Variants in KNL1 observed in about 807,000 individuals in gnomAD.
KNL1 encodes kinetochore scaffold 1, also known as outer kinetochore KNL1 complex subunit KNL1.
Under a neutral mutation model 201.3 loss-of-function variants are expected in KNL1, and 66 were observed. The observed-to-expected ratio is 0.33, with a 90% CI of 0.27 to 0.40. KNL1 has a LOEUF of 0.40. Ranked by LOEUF, KNL1 falls within the 10% of genes least tolerant of loss-of-function variation. KNL1 has a pLI of 1.00. For synonymous variants in KNL1, 895 were observed against 899.2 expected (o/e 1.00, Z 0.08); for missense variants, 2,815 against 2,690.5 (o/e 1.05, Z -1.02).
rs1894259995 is a variant in KNL1 at position 40,659,476 on chromosome 15, A to C, written c.6836+15A>C. The C allele has an allele frequency of 4.3e-6, 7 of 1,610,176 alleles. No individual in the cohort carries two copies. Among genetic ancestry groups the C allele is most frequent in the Non-Finnish European group, 5.9e-6 (7 of 1,178,104 alleles). ...GGGAACACTAGGTGAGTAAAGGGCC[A>C]ACAGGGTAAGACTCTGGGCTACTTC... On this transcript the variant is annotated intron_variant, in intron 25 of 25. Transcript: ENST00000399668.
chr15:40,653,404 G>A (rs137919954), intron 21 of KNL1, among the ~76,000 whole-genome samples: 1 of 152,178 alleles, frequency 6.6e-6, no homozygotes, highest in Non-Finnish European at 1.5e-5. Context: ...TGTTGTCCAG[G>A]CTGGTCTCAA....
intron 13 of KNL1, 98 bp downstream of exon 13, chr15:40,629,469 TTC>T (rs1892844515): frequency 3.3e-5 from 19 of 584,460 alleles, no homozygotes; most frequent in South Asian, 1.2e-4. Flanking sequence ...ATAGAGAGTT[TTC>T]TTTTTTTTTT....
chr15:40,630,811 A>G (rs1176383874), intron 13 of KNL1, among the ~76,000 whole-genome samples: 1 of 152,208 alleles, frequency 6.6e-6, no homozygotes, highest in African/African-American at 2.4e-5. Context: ...ATATATTACA[A>G]TGTAGTAATA....
intron 13 of KNL1, among the ~76,000 whole-genome samples, chr15:40,635,839 TCTC>T: frequency 6.6e-6 from 1 of 152,178 alleles, no homozygotes; most frequent in Middle Eastern, 3.4e-3. Flanking sequence ...AGAACTCACA[TCTC>T]CTAGTAAGGG....
intron 25 of KNL1, 122 bp downstream of exon 25, chr15:40,659,583 C>T (rs562145761): frequency 7.4e-5 from 58 of 787,290 alleles, no homozygotes; most frequent in East Asian, 4.8e-4. Flanking sequence ...ACCTCTGCCT[C>T]CCGGGTTCAC....
At chr15:40,606,341 T>C (rs1369219103) in intron 3 of KNL1, 52 bp from the exon 4 acceptor site, 2 of 1,095,028 alleles carry the variant, frequency 1.8e-6, no homozygotes, top group Non-Finnish European at 2.8e-6. Context: ...AATAAACTGA[T>C]TCTTAATAGA....
intron 10 of KNL1, chr15:40,626,020 GTGT>G (rs1484071556): frequency 1.2e-5 from 2 of 161,068 alleles, no homozygotes; most frequent in African/African-American, 4.8e-5. Flanking sequence ...GTCATCTTCA[GTGT>G]TGTTATATTT....
At chr15:40,607,775 TGGTTAAAGTAAAA>T (rs1892021602) in intron 4 of KNL1, among the ~76,000 whole-genome samples, 1 of 151,956 alleles carries the variant, frequency 6.6e-6, no homozygotes, top group Non-Finnish European at 1.5e-5. Context: ...CCCATTAGGA[TGGTTAAAGTAAAA>T]GACAATAACA....
chr15:40,638,233 G>A (rs1893115784), intron 13 of KNL1, among the ~76,000 whole-genome samples: 1 of 104,910 alleles, frequency 9.5e-6, no homozygotes, highest in Admixed American at 9.9e-5. Context: ...GGAAGGGAAG[G>A]GAGGGGAGGG....
intron 5 of KNL1, 68 bp from the exon 6 acceptor site, chr15:40,610,177 A>G: frequency 2.3e-6 from 2 of 881,750 alleles, no homozygotes; most frequent in Non-Finnish European, 3.8e-6. Flanking sequence ...AACACAGACT[A>G]TAAATCAACA....
intron 9 of KNL1, 27 bp downstream of exon 9, chr15:40,619,038 A>G: frequency 1.4e-6 from 2 of 1,403,476 alleles, no homozygotes; most frequent in South Asian, 2.3e-5. Flanking sequence ...ATACCTTCAT[A>G]TTGTAATGTC....
intron 1 of KNL1, among the ~76,000 whole-genome samples, chr15:40,597,112 C>T (rs1037336033): frequency 3.3e-5 from 5 of 151,534 alleles, no homozygotes; most frequent in Non-Finnish European, 5.9e-5. Flanking sequence ...CTGTTTTGAT[C>T]TAGTAGTTCA....
Position 40,651,587 on chromosome 15 carries a change from G to A in KNL1, c.6314+15G>A, listed in dbSNP as rs758154035. On this transcript the variant is annotated intron_variant, in intron 20 of 25. Transcript: ENST00000399668. ...GATCAGTTGAGGTAAGGAAATGCAGGCATCATTTGTTTGTGTTTTATTCTG... is the reference window on the plus strand; with the variant it reads ...GATCAGTTGAGGTAAGGAAATGCAGACATCATTTGTTTGTGTTTTATTCTG... 6.5e-7 allele frequency: 1 copy of A among 1,540,608 alleles called. No individual in the cohort carries two copies. Among genetic ancestry groups the A allele is most frequent in the African/African-American group, 1.4e-5 (1 of 72,532 alleles).
chr15:40,601,635 C>G (rs1031459816), intron 1 of KNL1, among the ~76,000 whole-genome samples: 14 of 151,574 alleles, frequency 9.2e-5, no homozygotes, highest in African/African-American at 3.1e-4. Context: ...ATCGAGACCA[C>G]GGTGAAACCC....
intron 1 of KNL1, among the ~76,000 whole-genome samples, chr15:40,601,365 A>C (rs920439687): frequency 1.1e-4 from 17 of 152,180 alleles, no homozygotes; most frequent in African/African-American, 4.1e-4. Context: ...CCACTTATCT[A>C]ATTGATGTCC....
Position 40,611,258 on chromosome 15 carries a change from G to A in KNL1, c.251-220G>A, listed in dbSNP as rs138418875. The stretch of plus-strand genomic sequence containing the variant: ...TGAGTAGCTGGGATTACATGTGCAC[G>A]CCACCACACCTGGCTAATTTTTGTA... On this transcript the variant is annotated intron_variant, in intron 6 of 25. Transcript: ENST00000399668. Among the ~76,000 whole-genome samples, 988 of 151,468 alleles carry A rather than the reference G, an allele frequency of 6.5e-3. 12 individuals carry two copies. The highest frequency in any genetic ancestry group is 0.023 in the African/African-American group (937 of 41,286).
chr15:40,628,966 A>T (rs936168635), intron 12 of KNL1, among the ~76,000 whole-genome samples: 1 of 152,132 alleles, frequency 6.6e-6, no homozygotes, highest in African/African-American at 2.4e-5. Flanking sequence ...CCAGGAGTTC[A>T]AGGCTGCAGT....
chr15:40,614,422 G>A (rs1352998591), intron 7 of KNL1, among the ~76,000 whole-genome samples: 4 of 151,740 alleles, frequency 2.6e-5, no homozygotes, highest in South Asian at 2.1e-4. Flanking sequence ...TAGTAGAAGC[G>A]GTGTTTCACC....
At chr15:40,644,787 G>A (rs1595941260) in intron 14 of KNL1, among the ~76,000 whole-genome samples, 1 of 152,004 alleles carries the variant, frequency 6.6e-6, no homozygotes, top group East Asian at 1.9e-4. Context: ...TACAACACAT[G>A]TTTTTGTGAG....
Sources: allele counts gnomAD v4.1 joint callset (sites outside exome capture counted in the v4.1 genomes callset), GRCh38; gene constraint gnomAD v4.1.1; transcripts MANE v1.5; gene names NCBI Gene and HGNC (gene_info 2026-07-23, HGNC 2026-07-21).